The following CELF2 variants were observed in gnomAD, a reference collection of about 807,000 sequenced individuals.
CELF2 encodes the protein CUG triplet repeat RNA-binding protein 2.
In CELF2, 8 loss-of-function variants were observed where a neutral mutation model predicts 62.6. The observed-to-expected ratio is 0.13, with a 90% confidence interval of 0.07 to 0.23. The LOEUF (loss-of-function observed/expected upper bound fraction) is 0.23, where lower values mean the gene tolerates loss of function less well. Among genes scored for constraint, CELF2 ranks in the 10% least tolerant of loss-of-function variants. The probability of loss-of-function intolerance (pLI) is 1.00; values close to 1 mark genes in which losing one functional copy is unlikely to be tolerated. For missense variants in CELF2, 333 were observed against 671.0 expected, an observed-to-expected ratio of 0.50 and a Z score of 5.56; for synonymous variants, 258 against 250.0, an observed-to-expected ratio of 1.03 and a Z score of -0.30.
the CELF2 span, among the ~76,000 whole-genome samples, chr10:10,608,754 A>G: frequency 1.4e-3 from 206 of 152,254 alleles, 1 homozygote; most frequent in African/African-American, 4.7e-3. Flanking sequence ...TCAGGAGTCT[A>G]AGGAAAGCTT....
the CELF2 span, among the ~76,000 whole-genome samples, chr10:10,564,689 C>CAT: frequency 1.3e-4 from 15 of 119,236 alleles, no homozygotes; most frequent in South Asian, 2.9e-3. Flanking sequence ...CACGCACACA[C>CAT]ACACACACAC....
the CELF2 span, among the ~76,000 whole-genome samples, chr10:10,711,890 A>G: frequency 6.6e-6 from 1 of 152,116 alleles, no homozygotes; most frequent in Admixed American, 6.5e-5. Context: ...TCATAAAAAG[A>G]AAGAAAACAA....
chr10:11,134,538 C>T (rs1384190736), intron 1 of CELF2, among the ~76,000 whole-genome samples: 1 of 152,174 alleles, frequency 6.6e-6, no homozygotes, highest in Non-Finnish European at 1.5e-5. Context: ...TGCTGATTGT[C>T]CTCGGCGGTG....
At chr10:11,195,801 C>G (rs941731809) in intron 2 of CELF2, among the ~76,000 whole-genome samples, 1 of 152,142 alleles carries the variant, frequency 6.6e-6, no homozygotes, top group Non-Finnish European at 1.5e-5. Context: ...TTTCTGAGGC[C>G]TTGTTCCACG....
chr10:10,610,567 C>A, the CELF2 span, among the ~76,000 whole-genome samples: 2 of 152,122 alleles, frequency 1.3e-5, no homozygotes, highest in African/African-American at 4.8e-5. Context: ...TAAAATCTTA[C>A]ATTTATCTTT....
At chr10:10,988,868 A>G (rs2053123548) in intron 2 of CELF2, among the ~76,000 whole-genome samples, 1 of 152,142 alleles carries the variant, frequency 6.6e-6, no homozygotes, top group Admixed American at 6.5e-5. Flanking sequence ...AAATCATGGA[A>G]CCCAAATAAA....
chr10:10,830,265 C>T (rs1274995713), intron 1 of CELF2, among the ~76,000 whole-genome samples: 2 of 136,896 alleles, frequency 1.5e-5, no homozygotes, highest in Non-Finnish European at 3.0e-5. Flanking sequence ...CTATTGAATG[C>T]CATGGAGTTC....
At chr10:10,503,540 C>T in the CELF2 span, among the ~76,000 whole-genome samples, 8 of 151,930 alleles carry the variant, frequency 5.3e-5, no homozygotes, top group African/African-American at 1.2e-4. Flanking sequence ...CTCCTACTTT[C>T]GCTTGATTAA....
chr10:10,787,215 A>C, the CELF2 span, among the ~76,000 whole-genome samples: 1 of 149,438 alleles, frequency 6.7e-6, no homozygotes, highest in Admixed American at 6.6e-5. Context: ...GAAAGCCCTT[A>C]AGGTTTGATG....
chr10:10,867,479 T>TA (rs1336618303), intron 1 of CELF2, among the ~76,000 whole-genome samples: 11 of 152,250 alleles, frequency 7.2e-5, no homozygotes, highest in Non-Finnish European at 1.6e-4. Context: ...AATATTCTGT[T>TA]TTTGGAGCAC....
intron 2 of CELF2, among the ~76,000 whole-genome samples, chr10:10,949,810 C>T (rs748322923): frequency 2.6e-5 from 3 of 114,826 alleles, no homozygotes; most frequent in African/African-American, 3.7e-5. Context: ...CAAAACAAAA[C>T]GAAACACACA....
intron 2 of CELF2, among the ~76,000 whole-genome samples, chr10:10,941,040 A>T (rs2046992896): frequency 6.6e-6 from 1 of 152,178 alleles, no homozygotes. Context: ...GTCCTGAGTG[A>T]TGTTGTTCTA....
At chr10:10,676,869 A>C in the CELF2 span, among the ~76,000 whole-genome samples, 1 of 152,190 alleles carries the variant, frequency 6.6e-6, no homozygotes, top group Non-Finnish European at 1.5e-5. Flanking sequence ...CCAGAAACAG[A>C]CAGTACTTTT....
rs540392959 is a variant in CELF2, at chr10:10,859,329, A to G, written c.53+60512A>G. Among the ~76,000 whole-genome samples the G allele has an allele frequency of 3.9e-5, 6 of 152,278 alleles. No homozygotes were observed. In the East Asian group the frequency reaches 1.2e-3, roughly 29 times the overall value. On this transcript the variant is annotated intron_variant, in intron 1 of 13. Transcript: ENST00000636488. ...ATCTAATTTCAGGACTTCTTAATCAAAAGTGATTCATTAGCCCCATTTTGT... is the reference window on the plus strand; with the variant it reads ...ATCTAATTTCAGGACTTCTTAATCAGAAGTGATTCATTAGCCCCATTTTGT...
chr10:10,934,631 G>A lies in CELF2; in HGVS notation c.89+14632G>A, dbSNP rs2066440536. The A allele has an allele frequency of 6.6e-6, 1 of 152,262 alleles. No homozygotes were observed. The highest frequency in any genetic ancestry group is 1.5e-5 in the Non-Finnish European group (1 of 68,060). The allele number at this position is 152,262 out of a possible 1,614,324, so 9.4% of individuals were successfully genotyped here. On this transcript the variant is annotated intron_variant, in intron 2 of 13. Transcript: ENST00000636488. This position sits in a 1 kb window ranked among gnomAD's most constrained non-coding sequence, Gnocchi z 4.4. ...CAGTTTAGGAATGTCCTAGTATCAT[G>A]AACAAAAACTAGGGATGTCTGGAGG...
At chr10:11,163,921 G>A (rs975413167) in intron 1 of CELF2, among the ~76,000 whole-genome samples, 1 of 152,210 alleles carries the variant, frequency 6.6e-6, no homozygotes, top group Non-Finnish European at 1.5e-5. Context: ...TGCTCTGATG[G>A]TGTATTTGTC....
chr10:10,802,273 C>A (rs1340756881), intron 1 of CELF2, among the ~76,000 whole-genome samples: 1 of 152,148 alleles, frequency 6.6e-6, no homozygotes, highest in Non-Finnish European at 1.5e-5. Flanking sequence ...AGATCGAGAC[C>A]ATCCGGGCCG....
the CELF2 span, among the ~76,000 whole-genome samples, chr10:10,502,902 T>C: frequency 6.6e-6 from 1 of 151,998 alleles, no homozygotes; most frequent in South Asian, 2.1e-4. Context: ...AATTGGATTA[T>C]CTGTATCCCC....
At chr10:10,749,602 A>G in the CELF2 span, among the ~76,000 whole-genome samples, 15 of 152,248 alleles carry the variant, frequency 9.9e-5, no homozygotes, top group Non-Finnish European at 1.9e-4. Context: ...ATTGCAAATT[A>G]TATTTTTTAA....
Sources: allele counts gnomAD v4.1 joint callset (sites outside exome capture counted in the v4.1 genomes callset), GRCh38; gene constraint gnomAD v4.1.1; non-coding constraint Gnocchi (gnomAD v3.1); transcripts MANE v1.5; gene names NCBI Gene and HGNC (gene_info 2026-07-23, HGNC 2026-07-21).